SLC35D1: variants seen among roughly 807,000 people sequenced by gnomAD.
The protein encoded by SLC35D1 is solute carrier family 35 member D1.
In SLC35D1, 31 loss-of-function variants were observed where a neutral mutation model predicts 46.7. That is an observed-to-expected ratio of 0.66 (90% CI 0.50 to 0.90). The LOEUF (loss-of-function observed/expected upper bound fraction) is 0.90. Among genes scored for constraint, SLC35D1 ranks in the 40% least tolerant of loss-of-function variants. The pLI is 0.00. For synonymous variants in SLC35D1, 195 were observed against 164.6 expected, an observed-to-expected ratio of 1.18 and a Z score of -1.41; for missense variants, 397 against 426.2, an observed-to-expected ratio of 0.93 and a Z score of 0.60.
chr1:67,047,447 A>G lies in SLC35D1; in HGVS notation c.534-80T>C, dbSNP rs143543722. ...TAAATAGATATAAGCTAAAATATTT[A>G]CAAGAACATATTCTCATCTAGGGAA... On this transcript the variant is annotated intron_variant, in intron 6 of 11. Transcript: ENST00000235345. 524 of 1,159,810 alleles carry G rather than the reference A, an allele frequency of 4.5e-4. 3 individuals carry two copies. In the African/African-American group the frequency reaches 7.3e-3, roughly 16 times the overall value. The allele number at this position is 1,159,810 out of a possible 1,614,324, so 71.8% of individuals were successfully genotyped here.
intron 8 of SLC35D1, among the ~76,000 whole-genome samples, chr1:67,038,319 G>A (rs1307074019): frequency 6.6e-6 from 1 of 152,156 alleles, no homozygotes; most frequent in Non-Finnish European, 1.5e-5. Flanking sequence ...TGCTTAGTAT[G>A]AGACACTTCC....
intron 11 of SLC35D1, among the ~76,000 whole-genome samples, chr1:67,004,672 TATATC>T (rs1241071912): frequency 1.3e-4 from 20 of 152,102 alleles, no homozygotes; most frequent in Admixed American, 1.3e-3. Flanking sequence ...TATGAGAAAA[TATATC>T]ATAAAACATC....
intron 8 of SLC35D1, among the ~76,000 whole-genome samples, chr1:67,032,570 A>T (rs1483171637): frequency 1.3e-5 from 2 of 152,084 alleles, no homozygotes; most frequent in Non-Finnish European, 2.9e-5. Flanking sequence ...AATCCCAGCT[A>T]CTCAGGAGGC....
At chr1:67,032,116 G>T in intron 8 of SLC35D1, 3 of 984,316 alleles carry the variant, frequency 3.0e-6, no homozygotes, top group Non-Finnish European at 3.6e-6. Flanking sequence ...TGTGATTACA[G>T]ATTTAATAAA....
At chr1:66,985,785 T>TG in the SLC35D1 span, 2 of 909,616 alleles carry the variant, frequency 2.2e-6, no homozygotes, top group Non-Finnish European at 2.6e-6. Context: ...CTTATCCAGG[T>TG]GGTTAAAGCA....
intron 7 of SLC35D1, among the ~76,000 whole-genome samples, chr1:67,043,974 G>A (rs1026903478): frequency 6.6e-6 from 1 of 152,194 alleles, no homozygotes; most frequent in East Asian, 1.9e-4. Flanking sequence ...ACTGACTGAT[G>A]AGAAAAGTCG....
chr1:66,977,589 A>G, the SLC35D1 span, among the ~76,000 whole-genome samples: 1 of 152,156 alleles, frequency 6.6e-6, no homozygotes, highest in Non-Finnish European at 1.5e-5. Flanking sequence ...TGATATGCCT[A>G]ATTTATTCCC....
downstream of SLC35D1, among the ~76,000 whole-genome samples, chr1:66,996,795 A>C (rs1667242496): frequency 6.6e-6 from 1 of 152,238 alleles, no homozygotes; most frequent in South Asian, 2.1e-4. Flanking sequence ...GCCAAGTGAG[A>C]CAAGAAGCTA....
chr1:67,053,354 T>C (rs568098450), intron 1 of SLC35D1, among the ~76,000 whole-genome samples: 2 of 151,634 alleles, frequency 1.3e-5, no homozygotes, highest in East Asian at 3.9e-4. Flanking sequence ...AATAATTGTC[T>C]GCTGGGTTGA....
At chr1:66,989,487 C>A in the SLC35D1 span, among the ~76,000 whole-genome samples, 1 of 152,156 alleles carries the variant, frequency 6.6e-6, no homozygotes, top group Non-Finnish European at 1.5e-5. Context: ...TTATTTGAGA[C>A]GGTCTCAGTT....
At chr1:67,018,999 C>G (rs985007255) in intron 10 of SLC35D1, among the ~76,000 whole-genome samples, 1 of 152,026 alleles carries the variant, frequency 6.6e-6, no homozygotes, top group Admixed American at 6.6e-5. Flanking sequence ...AATTAATCAC[C>G]CTGGAATGAG....
chr1:66,974,278 ATGT>A, the SLC35D1 span, among the ~76,000 whole-genome samples: 1 of 152,032 alleles, frequency 6.6e-6, no homozygotes, highest in East Asian at 1.9e-4. Context: ...TATACCCCTA[ATGT>A]TGTGTTCATA....
At chr1:66,984,312 A>G in the SLC35D1 span, among the ~76,000 whole-genome samples, 1 of 152,168 alleles carries the variant, frequency 6.6e-6, no homozygotes, top group African/African-American at 2.4e-5. Flanking sequence ...CTTTACATTT[A>G]TTAACTTATT....
Position 67,052,799 on chromosome 1 carries a change from G to C in SLC35D1, c.296C>G (p.Pro99Arg). 6.2e-7 allele frequency: 1 copy of C among 1,614,138 alleles called. No homozygotes were observed. Among genetic ancestry groups the C allele is most frequent in the African/African-American group, 1.3e-5 (1 of 75,022 alleles). The stretch of plus-strand genomic sequence containing the variant: ...TCGAGGTACATTTCTGTCAAGGTCA[G>C]GAAACTTGACTACTCTGAGCGCCTT... ...VGKALRVVKF[P>R]DLDRNVPRKT... Residue 99 changes from proline (P) to arginine (R), a missense_variant, in exon 3 of 12, where the codon CCT becomes CGT. Pro to Arg is a moderately radical substitution (Grantham distance 103). Coordinates refer to ENST00000235345, the MANE Select transcript of SLC35D1 (RefSeq NM_015139.3).
chr1:66,979,785 G>A, the SLC35D1 span, among the ~76,000 whole-genome samples: 3 of 148,930 alleles, frequency 2.0e-5, no homozygotes, highest in African/African-American at 7.5e-5. Context: ...TTTTAAAGAC[G>A]GAGTCTCAAC....
intron 9 of SLC35D1, among the ~76,000 whole-genome samples, chr1:67,021,104 G>A (rs1025601705): frequency 6.6e-6 from 1 of 152,122 alleles, no homozygotes; most frequent in Admixed American, 6.6e-5. Context: ...ACGTTTGCAG[G>A]TATCCTCTTA....
chr1:66,974,677 G>T, the SLC35D1 span, among the ~76,000 whole-genome samples: 4 of 152,086 alleles, frequency 2.6e-5, no homozygotes, highest in African/African-American at 9.7e-5. Flanking sequence ...ATTTGGGACA[G>T]TGGCATTTAA....
chr1:67,000,912 C>T lies in SLC35D1; in HGVS notation c.*3428G>A, dbSNP rs969511370. ...CTCGGATTAAAAAAATGCTTTAGCT[C>T]TGTGGGGCGTCCCTAAAATCAGTGA... is the stretch of plus-strand genomic sequence containing the variant. On this transcript the variant is annotated 3_prime_UTR_variant, in exon 12 of 12. Coordinates refer to ENST00000235345, the MANE Select transcript of SLC35D1 (RefSeq NM_015139.3). 6.6e-6 allele frequency: 1 copy of T among 152,304 alleles called. No individual in the cohort carries two copies. The highest frequency in any genetic ancestry group is 2.4e-5 in the African/African-American group (1 of 41,442). The allele number at this position is 152,304 out of a possible 1,614,324, so 9.4% of individuals were successfully genotyped here. A position where few individuals can be genotyped will look rare whatever the true frequency, so the allele number is the denominator to read the frequency against.
At chr1:66,988,093 T>TATA in the SLC35D1 span, 1 of 136,024 alleles carries the variant, frequency 7.4e-6, no homozygotes, top group Non-Finnish European at 1.7e-5. Flanking sequence ...GGCTGGTGAA[T>TATA]ATAATAGGCA....
Sources: allele counts gnomAD v4.1 joint callset (sites outside exome capture counted in the v4.1 genomes callset), GRCh38; gene constraint gnomAD v4.1.1; transcripts MANE v1.5; gene names NCBI Gene and HGNC (gene_info 2026-07-23, HGNC 2026-07-21).